CCDC171: variants seen among roughly 807,000 people sequenced by gnomAD.
CCDC171 encodes the protein coiled-coil domain-containing protein 171.
Under a neutral mutation model 168.2 loss-of-function variants are expected in CCDC171, and 177 were observed. That is an observed-to-expected ratio of 1.05 (90% confidence interval 0.93 to 1.19). The LOEUF (loss-of-function observed/expected upper bound fraction) is 1.19. Ranked by LOEUF, CCDC171 falls within the 50% of genes most tolerant of loss-of-function variation. The pLI, the probability that CCDC171 is intolerant of heterozygous loss-of-function variation, is 0.00. For synonymous variants in CCDC171, 687 were observed against 540.8 expected (o/e 1.27, Z -3.75); for missense variants, 1,991 against 1,539.0 (o/e 1.29, Z -4.91).
At chr9:15,999,382 GGAAA>G (rs915971146) in intron 3 of CCDC171, among the ~76,000 whole-genome samples, 3 of 146,008 alleles carry the variant, frequency 2.1e-5, no homozygotes, top group African/African-American at 5.1e-5. Context: ...GAGGGAGGAA[GGAAA>G]GAAGGAAGGA....
the CCDC171 span, among the ~76,000 whole-genome samples, chr9:16,068,462 C>T: frequency 3.3e-5 from 5 of 152,220 alleles, no homozygotes; most frequent in Admixed American, 6.5e-5. Context: ...TGCACACACA[C>T]GTGCTCACTT....
At chr9:15,777,187 T>A (rs1302483541) in intron 18 of CCDC171, among the ~76,000 whole-genome samples, 2 of 152,232 alleles carry the variant, frequency 1.3e-5, no homozygotes, top group Non-Finnish European at 2.9e-5. Context: ...GTAATTGTAG[T>A]TGTAAAATTT....
In CCDC171 at chr9:15,603,949, C is replaced by A. The variant is rs2043045477; in HGVS notation, c.675+9777C>A. Among the ~76,000 whole-genome samples the A allele has an allele frequency of 2.0e-5, 3 of 152,176 alleles. No individual in the cohort carries two copies. The South Asian group carries it at 6.2e-4, about 32-fold the overall frequency. On this transcript the variant is annotated intron_variant, in intron 6 of 25. Transcript: ENST00000380701. ...GGCTTTTTAATAATTGCCATTCTGA[C>A]TGGCCTGAGATGGTATCTCATTGTG... is the stretch of plus-strand genomic sequence containing the variant.
At chr9:16,073,670 G>A in the CCDC171 span, among the ~76,000 whole-genome samples, 1 of 152,198 alleles carries the variant, frequency 6.6e-6, no homozygotes, top group South Asian at 2.1e-4. Context: ...TAGTGGCACT[G>A]TTGGGTGGCA....
chr9:16,079,078 T>G, the CCDC171 span, among the ~76,000 whole-genome samples: 1 of 152,200 alleles, frequency 6.6e-6, no homozygotes, highest in Non-Finnish European at 1.5e-5. Flanking sequence ...GTTCCTGGAT[T>G]AAGAAATCAA....
intron 16 of CCDC171, among the ~76,000 whole-genome samples, chr9:15,739,020 C>A (rs1389087258): frequency 6.6e-6 from 1 of 151,990 alleles, no homozygotes; most frequent in Non-Finnish European, 1.5e-5. Context: ...GTAAATAATT[C>A]CTAACCTCTA....
chr9:15,696,871 A>C (rs2051258115), intron 11 of CCDC171, among the ~76,000 whole-genome samples: 1 of 152,122 alleles, frequency 6.6e-6, no homozygotes. Flanking sequence ...GTATAGATGC[A>C]TACTTTGTGT....
chr9:15,981,964 A>G lies in CCDC171; in HGVS notation n.369-38625A>G, dbSNP rs188051975. Among the ~76,000 whole-genome samples, 234 of 152,306 alleles carry G rather than the reference A, an allele frequency of 1.5e-3. 1 individual carries two copies. The highest frequency in any genetic ancestry group is 5.0e-3 in the African/African-American group (207 of 41,570). On this transcript the variant is annotated intron_variant and non_coding_transcript_variant, in intron 3 of 9. Transcript: ENST00000486641. The stretch of plus-strand genomic sequence containing the variant: ...CAGTAAAAAGCTTTCAATTCTTTCA[A>G]TAACTGAAAAGGCTTATACTTCTGT...
At chr9:15,576,687 G>C (rs912580933) in intron 3 of CCDC171, among the ~76,000 whole-genome samples, 1 of 152,174 alleles carries the variant, frequency 6.6e-6, no homozygotes, top group Non-Finnish European at 1.5e-5. Context: ...AAGCAAAACT[G>C]TTAAGAGTTA....
chr9:15,645,897 C>T (rs1564127225), intron 7 of CCDC171, among the ~76,000 whole-genome samples: 4 of 152,100 alleles, frequency 2.6e-5, no homozygotes, highest in African/African-American at 4.8e-5. Context: ...ATACAGAGAA[C>T]GCCACAAAGA....
intron 11 of CCDC171, among the ~76,000 whole-genome samples, chr9:15,703,591 CT>C (rs1247877282): frequency 1.3e-5 from 2 of 152,142 alleles, no homozygotes; most frequent in Non-Finnish European, 2.9e-5. Context: ...TGACAGGATT[CT>C]TTTTCTATGG....
At chr9:15,910,716 G>A (rs1462612562) in intron 24 of CCDC171, among the ~76,000 whole-genome samples, 1 of 151,810 alleles carries the variant, frequency 6.6e-6, no homozygotes, top group Non-Finnish European at 1.5e-5. Context: ...CCCACAACAG[G>A]CCCCGGTGTG....
intron 6 of CCDC171, among the ~76,000 whole-genome samples, chr9:15,599,289 G>A (rs564479458): frequency 1.1e-4 from 16 of 152,242 alleles, no homozygotes; most frequent in African/African-American, 3.1e-4. Context: ...GCTGTTATTG[G>A]TTGTTCCTTT....
chr9:15,857,941 ATATATG>A (rs930457824), intron 23 of CCDC171, among the ~76,000 whole-genome samples: 119 of 152,046 alleles, frequency 7.8e-4, no homozygotes, highest in African/African-American at 2.7e-3. Context: ...TTTGATATAT[ATATATG>A]TATATATGCA....
intron 21 of CCDC171, among the ~76,000 whole-genome samples, chr9:15,803,842 T>G (rs929939636): frequency 5.3e-5 from 8 of 152,186 alleles, no homozygotes; most frequent in African/African-American, 1.9e-4. Flanking sequence ...ATCGAATCTA[T>G]AAATCACTTT....
chr9:15,895,101 C>T (rs1820737325), intron 24 of CCDC171, among the ~76,000 whole-genome samples: 1 of 152,060 alleles, frequency 6.6e-6, no homozygotes, highest in South Asian at 2.1e-4. Flanking sequence ...CACTTTTTAG[C>T]AATGTGCCTG....
intron 3 of CCDC171, among the ~76,000 whole-genome samples, chr9:16,010,381 G>T (rs1423615509): frequency 6.6e-6 from 1 of 152,090 alleles, no homozygotes; most frequent in Non-Finnish European, 1.5e-5. Flanking sequence ...CCAGGATTTT[G>T]CAGGGATATA....
At chr9:15,963,261 T>A (rs997841226) in intron 25 of CCDC171, among the ~76,000 whole-genome samples, 9 of 151,980 alleles carry the variant, frequency 5.9e-5, no homozygotes, top group Non-Finnish European at 1.2e-4. Context: ...CAGCACACCA[T>A]CATGGCACAT....
chr9:16,003,215 G>C (rs1338001625), intron 3 of CCDC171, among the ~76,000 whole-genome samples: 1 of 152,132 alleles, frequency 6.6e-6, no homozygotes, highest in African/African-American at 2.4e-5. Flanking sequence ...GTGTAACCTT[G>C]AGCAAGTCAT....
Sources: allele counts gnomAD v4.1 joint callset (sites outside exome capture counted in the v4.1 genomes callset), GRCh38; gene constraint gnomAD v4.1.1; transcripts MANE v1.5; gene names NCBI Gene and HGNC (gene_info 2026-07-23, HGNC 2026-07-21).